NIBAN2: variants seen among roughly 807,000 people sequenced by gnomAD.
NIBAN2 encodes the protein protein Niban 2.
A neutral mutation model predicts 81.8 loss-of-function variants in NIBAN2; 36 were observed. The observed-to-expected ratio is 0.44, with a 90% CI of 0.34 to 0.58. The LOEUF (loss-of-function observed/expected upper bound fraction) is 0.58. Among genes scored for constraint, NIBAN2 ranks in the 20% least tolerant of loss-of-function variants. NIBAN2 has a pLI of 0.02. For synonymous variants in NIBAN2, 445 were observed against 441.6 expected, an observed-to-expected ratio of 1.01 and a Z score of -0.10; for missense variants, 897 against 1,014.1, an observed-to-expected ratio of 0.88 and a Z score of 1.57.
upstream of NIBAN2, among the ~76,000 whole-genome samples, chr9:127,571,732 A>T (rs75558155): frequency 2.6e-3 from 401 of 152,244 alleles, 2 homozygotes; most frequent in African/African-American, 9.1e-3. Flanking sequence ...AGAAAGTGGA[A>T]AGGCATTGTG....
intron 1 of NIBAN2, among the ~76,000 whole-genome samples, chr9:127,568,179 C>T (rs1837890815): frequency 6.6e-6 from 1 of 152,174 alleles, no homozygotes; most frequent in African/African-American, 2.4e-5. Flanking sequence ...CCCTGAGGGC[C>T]CCCCACTCTG....
intron 1 of NIBAN2, chr9:127,561,176 G>A (rs77357703): frequency 0.024 from 23,684 of 985,438 alleles, 320 homozygotes; most frequent in Middle Eastern, 0.027. Flanking sequence ...CCATCCCACC[G>A]TCCTCCAGGA....
intron 1 of NIBAN2, among the ~76,000 whole-genome samples, chr9:127,578,654 G>GC (rs1838038020): frequency 6.6e-6 from 1 of 150,822 alleles, no homozygotes; most frequent in East Asian, 1.9e-4. Flanking sequence ...GGTGACAAGA[G>GC]TGAAACTCCG....
At position 127,563,818 on chromosome 9, in the gene NIBAN2, G is replaced by T. The variant is rs1837814336; in HGVS notation, c.55+5002C>A. ...CGTGAGTCACCGCGCCCAGCAGAGAGGTAAGTTTTTAAAATCACTTTGGAA... is the reference window on the plus strand; with the variant it reads ...CGTGAGTCACCGCGCCCAGCAGAGATGTAAGTTTTTAAAATCACTTTGGAA... On this transcript the variant is annotated intron_variant, in intron 1 of 13. Transcript: ENST00000373312. The surrounding 1 kb of genome is among the most constrained non-coding windows in gnomAD (Gnocchi z 4.1). Among the ~76,000 whole-genome samples the T allele has an allele frequency of 6.6e-6, 1 of 152,080 alleles. No individual in the cohort carries two copies. The highest frequency in any genetic ancestry group is 6.6e-5 in the Admixed American group (1 of 15,238).
At chr9:127,537,221 C>G (rs1837295968) in intron 1 of NIBAN2, among the ~76,000 whole-genome samples, 1 of 152,190 alleles carries the variant, frequency 6.6e-6, no homozygotes, top group Non-Finnish European at 1.5e-5. Flanking sequence ...GCCTAGCTCT[C>G]AGAGACTCAC....
At chr9:127,522,006 A>ACCCAC (rs1268088197) in intron 5 of NIBAN2, among the ~76,000 whole-genome samples, 1 of 152,034 alleles carries the variant, frequency 6.6e-6, no homozygotes, top group African/African-American at 2.4e-5. Context: ...GGCGCAGGTC[A>ACCCAC]CCCACCCTGC....
At chr9:127,538,555 A>T (rs1588171380) in intron 1 of NIBAN2, among the ~76,000 whole-genome samples, 1 of 151,130 alleles carries the variant, frequency 6.6e-6, no homozygotes, top group African/African-American at 2.4e-5. Context: ...TCAATCTGAG[A>T]GGCAGAGGTT....
chr9:127,555,077 C>T (rs1837643443), intron 1 of NIBAN2, among the ~76,000 whole-genome samples: 1 of 152,214 alleles, frequency 6.6e-6, no homozygotes, highest in Non-Finnish European at 1.5e-5. Flanking sequence ...AACATACACA[C>T]TTTCAGACAT....
At chr9:127,564,419 C>T (rs1837823153) in intron 1 of NIBAN2, among the ~76,000 whole-genome samples, 1 of 151,950 alleles carries the variant, frequency 6.6e-6, no homozygotes, top group Admixed American at 6.6e-5. Flanking sequence ...GTGGAAACAA[C>T]CCAAATGCCC....
intron 8 of NIBAN2, among the ~76,000 whole-genome samples, chr9:127,516,259 C>T (rs1388184186): frequency 2.0e-5 from 3 of 152,112 alleles, no homozygotes; most frequent in African/African-American, 4.8e-5. Context: ...AAGAGAAAGG[C>T]GTACAGTCTG....
intron 1 of NIBAN2, among the ~76,000 whole-genome samples, chr9:127,542,329 C>T (rs372473110): frequency 2.0e-5 from 3 of 152,130 alleles, no homozygotes; most frequent in Non-Finnish European, 4.4e-5. Flanking sequence ...CACCTATTCC[C>T]GCAGCCCACC....
In NIBAN2 at chr9:127,559,986, G is replaced by A. The variant is rs749875937; in HGVS notation, c.55+8834C>T. 6.6e-6 allele frequency among the ~76,000 whole-genome samples: 1 copy of A among 152,216 alleles called. No homozygotes were observed. Among genetic ancestry groups the A allele is most frequent in the Non-Finnish European group, 1.5e-5 (1 of 68,032 alleles). ...ATACTGCTGTGTCCACTTTACAGAT[G>A]AGGAATTTGAGGTCCAGAGAAGGGA... On this transcript the variant is annotated intron_variant, in intron 1 of 13. Coordinates refer to ENST00000373312, the MANE Select transcript of NIBAN2 (RefSeq NM_022833.4). This position sits in a 1 kb window ranked among gnomAD's most constrained non-coding sequence, Gnocchi z 4.0.
rs962873261 is a variant in NIBAN2 at position 127,559,419 on chromosome 9, A to T, written c.55+9401T>A. Among the ~76,000 whole-genome samples the T allele has an allele frequency of 1.3e-4, 20 of 152,200 alleles. No homozygotes were observed. The highest frequency in any genetic ancestry group is 4.6e-4 in the African/African-American group (19 of 41,454). Reference sequence around the variant, plus strand: ...TGAGGAGGAGGCACAGAGAAAAGGAAGGGCTTGTCAGAGGCCTCCAGGCAC... The same window carrying T: ...TGAGGAGGAGGCACAGAGAAAAGGATGGGCTTGTCAGAGGCCTCCAGGCAC... On this transcript the variant is annotated intron_variant, in intron 1 of 13. Transcript: ENST00000373312. The surrounding 1 kb of genome is among the most constrained non-coding windows in gnomAD (Gnocchi z 4.0).
rs779542946 is a variant in NIBAN2 at position 127,508,047 on chromosome 9, C to T, written c.1542+46G>A. ...TAGAGGGAGGCCTGTGGGCTCCATC[C>T]CCCAACTTAGGGCCCAAACGGCTGG... On this transcript the variant is annotated intron_variant, in intron 12 of 13. Coordinates refer to ENST00000373312, the MANE Select transcript of NIBAN2 (RefSeq NM_022833.4). The surrounding 1 kb of genome is among the most constrained non-coding windows in gnomAD (Gnocchi z 6.4). 9 of 1,610,282 alleles carry T rather than the reference C, an allele frequency of 5.6e-6. No individual in the cohort carries two copies. Among genetic ancestry groups the T allele is most frequent in the Non-Finnish European group, 5.1e-6 (6 of 1,176,680 alleles).
chr9:127,569,200 C>A (rs1302915301), upstream of NIBAN2: 2 of 499,168 alleles, frequency 4.0e-6, no homozygotes, highest in Non-Finnish European at 2.5e-6. Flanking sequence ...CACCCCGCCC[C>A]GCCCCGCCCC....
chr9:127,548,049 C>A (rs1271295139), intron 1 of NIBAN2, among the ~76,000 whole-genome samples: 1 of 152,146 alleles, frequency 6.6e-6, no homozygotes, highest in Non-Finnish European at 1.5e-5. Flanking sequence ...CCAGTGGCAT[C>A]TCTCATCAGT....
At chr9:127,529,774 C>A (rs767639034) in intron 2 of NIBAN2, among the ~76,000 whole-genome samples, 2 of 152,106 alleles carry the variant, frequency 1.3e-5, no homozygotes, top group Non-Finnish European at 1.5e-5. Context: ...GTTTTGATCA[C>A]CACTGGTGAT....
At chr9:127,535,937 C>A (rs76710201) in intron 1 of NIBAN2, among the ~76,000 whole-genome samples, 11,809 of 152,026 alleles carry the variant, frequency 0.078, 512 homozygotes, top group African/African-American at 0.088. Context: ...TGAGGGAGCG[C>A]CATGCTGCAG....
rs1258630264 is a variant in NIBAN2 at position 127,559,777 on chromosome 9, C to T, written c.55+9043G>A. On this transcript the variant is annotated intron_variant, in intron 1 of 13. Transcript: ENST00000373312. The surrounding 1 kb of genome is among the most constrained non-coding windows in gnomAD (Gnocchi z 4.0). ...CCCACCCCTGCACGTGGACCCTCTA[C>T]CCAGCACCCTGACCCACACCCGGCA... 1.3e-5 allele frequency among the ~76,000 whole-genome samples: 2 copies of T among 152,186 alleles called. No homozygotes were observed. Among genetic ancestry groups the T allele is most frequent in the Non-Finnish European group, 2.9e-5 (2 of 68,028 alleles).
Sources: allele counts gnomAD v4.1 joint callset (sites outside exome capture counted in the v4.1 genomes callset), GRCh38; gene constraint gnomAD v4.1.1; non-coding constraint Gnocchi (gnomAD v3.1); transcripts MANE v1.5; gene names NCBI Gene and HGNC (gene_info 2026-07-23, HGNC 2026-07-21).